ARID2: variants seen among roughly 807,000 people sequenced by gnomAD.
ARID2 encodes the protein AT-rich interactive domain-containing protein 2.
In ARID2, 32 loss-of-function variants were observed where a neutral mutation model predicts 184.6. The ratio of observed to expected loss-of-function variants is 0.17; its 90% CI spans 0.13 to 0.23. ARID2 has a LOEUF of 0.23. Among genes scored for constraint, ARID2 ranks in the 10% least tolerant of loss-of-function variants. ARID2 has a pLI of 1.00. For synonymous variants in ARID2, 836 were observed against 772.6 expected (o/e 1.08, Z -1.36); for missense variants, 1,696 against 2,197.6 (o/e 0.77, Z 4.56).
At chr12:45,894,502 TA>T (rs906815413) in intron 20 of ARID2, among the ~76,000 whole-genome samples, 8 of 152,348 alleles carry the variant, frequency 5.3e-5, no homozygotes, top group East Asian at 3.9e-4. Context: ...TCTTTTATGA[TA>T]TTTTTTTTGC....
At chr12:45,847,411 G>A (rs1006176445) in intron 12 of ARID2, among the ~76,000 whole-genome samples, 14 of 151,776 alleles carry the variant, frequency 9.2e-5, no homozygotes, top group South Asian at 2.1e-4. Context: ...AATAGTAGAC[G>A]GACATTAATC....
At chr12:45,904,709 A>AT (rs945301831) in intron 20 of ARID2, among the ~76,000 whole-genome samples, 2 of 151,146 alleles carry the variant, frequency 1.3e-5, no homozygotes, top group Admixed American at 6.6e-5. Context: ...AAAAAAAAAA[A>AT]AAAAAGGTAC....
At chr12:45,787,019 A>C (rs985030179) in intron 3 of ARID2, among the ~76,000 whole-genome samples, 3 of 152,136 alleles carry the variant, frequency 2.0e-5, no homozygotes, top group African/African-American at 7.2e-5. Flanking sequence ...AAAGGTTACA[A>C]AATTTTATTT....
intron 3 of ARID2, among the ~76,000 whole-genome samples, chr12:45,776,815 C>T (rs975400018): frequency 4.5e-4 from 59 of 130,486 alleles, no homozygotes; most frequent in Middle Eastern, 5.1e-3. Flanking sequence ...GACAGTCTTG[C>T]GGGGTCGTCC....
At chr12:45,890,660 A>G (rs1592143857) in intron 16 of ARID2, among the ~76,000 whole-genome samples, 2 of 152,328 alleles carry the variant, frequency 1.3e-5, no homozygotes, top group East Asian at 3.9e-4. Flanking sequence ...AATTAAATAT[A>G]TAACTTACTC....
chr12:45,796,006 GT>G (rs1007948032), intron 3 of ARID2, among the ~76,000 whole-genome samples: 19 of 151,988 alleles, frequency 1.3e-4, no homozygotes, highest in South Asian at 8.3e-4. Flanking sequence ...TACTGTACTC[GT>G]TTTAGATATC....
rs763488971 is a variant in ARID2 at position 45,852,618 on chromosome 12, C to G, written c.4495C>G (p.Leu1499Val). ...SGSKVSHSPA[L>V]SSDVRSTNGT... ...ATCAAAAGTATCCCATTCTCCTGCC[C>G]TATCATCTGACGTTCGGTCTACAAA... The change falls in exon 15 of 21, where the codon CTA becomes GTA. Residue 1499 changes from leucine (L) to valine (V), a missense_variant. Around this residue, in one of 11 missense-constraint regions of ARID2, gnomAD observed 428 missense variants for 409.1 expected, o/e 1.05. Coordinates refer to ENST00000334344, the MANE Select transcript of ARID2 (RefSeq NM_152641.4). 4 of 1,614,162 alleles carry G rather than the reference C, an allele frequency of 2.5e-6. No homozygotes were observed. Among genetic ancestry groups the G allele is most frequent in the South Asian group, 1.1e-5 (1 of 91,092 alleles).
At chr12:45,896,209 T>G (rs1408823179) in intron 20 of ARID2, among the ~76,000 whole-genome samples, 1 of 152,188 alleles carries the variant, frequency 6.6e-6, no homozygotes, top group East Asian at 1.9e-4. Flanking sequence ...GAACCTTGTG[T>G]AAGAAGTGTG....
intron 3 of ARID2, among the ~76,000 whole-genome samples, chr12:45,753,794 G>A (rs1941513619): frequency 6.6e-6 from 1 of 152,078 alleles, no homozygotes. Flanking sequence ...AGGTCTCCCT[G>A]TGTTGCTCAG....
At chr12:45,899,807 C>T (rs1944433512) in intron 20 of ARID2, among the ~76,000 whole-genome samples, 1 of 148,368 alleles carries the variant, frequency 6.7e-6, no homozygotes, top group Admixed American at 6.8e-5. Flanking sequence ...AAGGGGGGAG[C>T]CTGCAACAAT....
At chr12:45,862,338 GTTTCCTTCATTCATTGAAGGATTA>G (rs939258943) in intron 16 of ARID2, among the ~76,000 whole-genome samples, 10 of 152,232 alleles carry the variant, frequency 6.6e-5, no homozygotes, top group Admixed American at 6.5e-4. Flanking sequence ...CCTTTAGGTT[GTTTCCTTCATTCATTGAAGGATTA>G]TTTCCTTCAT....
intron 3 of ARID2, among the ~76,000 whole-genome samples, chr12:45,792,406 A>G (rs931054066): frequency 2.0e-5 from 3 of 152,202 alleles, no homozygotes; most frequent in Admixed American, 6.5e-5. Flanking sequence ...AGCATAGTAT[A>G]TATGATCCCA....
intron 3 of ARID2, among the ~76,000 whole-genome samples, chr12:45,752,672 C>A (rs967520178): frequency 6.6e-6 from 1 of 152,138 alleles, no homozygotes; most frequent in Admixed American, 6.5e-5. Flanking sequence ...AGACTCATAC[C>A]ACCACACCCA....
At position 45,830,831 on chromosome 12, in the gene ARID2, A is replaced by G. The variant is rs143687463; in HGVS notation, c.706-5758A>G. Among the ~76,000 whole-genome samples the G allele has an allele frequency of 1.1e-3, 169 of 152,252 alleles. 3 individuals are homozygous for G. The East Asian group carries it at 0.031, about 28-fold the overall frequency. On this transcript the variant is annotated intron_variant, in intron 6 of 20. Coordinates refer to ENST00000334344, the MANE Select transcript of ARID2 (RefSeq NM_152641.4). ...TTGACTTTGGGAAGCTCAGGTGGGC[A>G]GATCATTTGAGGTCAGGAGTTTGAG...
At chr12:45,807,989 A>G (rs1457193160) in intron 3 of ARID2, among the ~76,000 whole-genome samples, 4 of 152,192 alleles carry the variant, frequency 2.6e-5, no homozygotes, top group East Asian at 1.9e-4. Flanking sequence ...CTGGATTACA[A>G]TATTTCACTA....
At chr12:45,843,750 T>G (rs12321248) in intron 11 of ARID2, among the ~76,000 whole-genome samples, 3,243 of 152,328 alleles carry the variant, frequency 0.021, 123 homozygotes, top group African/African-American at 0.074. Flanking sequence ...TTCAAATATA[T>G]TTTTGTGAAA....
chr12:45,750,038 AAATGTTTAGTGCAAGAGGTCTAGCTT>A (rs1458126196), intron 3 of ARID2, among the ~76,000 whole-genome samples: 4 of 152,184 alleles, frequency 2.6e-5, no homozygotes, highest in African/African-American at 9.7e-5. Context: ...CAACATAGCT[AAATGTTTAGTGCAAGAGGTCTAGCTT>A]TTGGCATATC....
chr12:45,899,655 A>ATATATATATATATGGT (rs1944423118), intron 20 of ARID2, among the ~76,000 whole-genome samples: 2 of 51,486 alleles, frequency 3.9e-5, no homozygotes, highest in Non-Finnish European at 7.0e-5. Context: ...ATATTTGGTT[A>ATATATATATATATGGT]TATATATATA....
At chr12:45,853,867 A>G (rs1332461668) in intron 15 of ARID2, among the ~76,000 whole-genome samples, 1 of 152,224 alleles carries the variant, frequency 6.6e-6, no homozygotes, top group East Asian at 1.9e-4. Flanking sequence ...GTACAAGAAC[A>G]AAGGGAAGAG....
Sources: allele counts gnomAD v4.1 joint callset (sites outside exome capture counted in the v4.1 genomes callset), GRCh38; gene constraint gnomAD v4.1.1; regional missense constraint gnomAD v4.1.1; transcripts MANE v1.5; gene names NCBI Gene and HGNC (gene_info 2026-07-23, HGNC 2026-07-21).